Variants in MYO5B observed in about 807,000 individuals in gnomAD.
The protein encoded by MYO5B is myosin VB, also known as unconventional myosin-Vb.
In MYO5B, 143 loss-of-function variants were observed where a neutral mutation model predicts 229.3. That is an observed-to-expected ratio of 0.62 (90% CI 0.54 to 0.72). The LOEUF is 0.72. Among genes scored for constraint, MYO5B ranks in the 30% least tolerant of loss-of-function variants. The probability of loss-of-function intolerance (pLI) is 0.00; values close to 1 mark genes in which losing one functional copy is unlikely to be tolerated. For missense variants in MYO5B, 2,321 were observed against 2,331.0 expected (o/e 1.00, Z 0.09); for synonymous variants, 918 against 885.2 (o/e 1.04, Z -0.66).
chr18:50,145,497 C>CAAA lies in MYO5B; in HGVS notation c.27+49267_27+49269dup, dbSNP rs369507800. 4.7e-4 allele frequency among the ~76,000 whole-genome samples: 33 copies of CAAA among 70,008 alleles called. 2 individuals carry two copies. Among genetic ancestry groups the CAAA allele is most frequent in the African/African-American group, 1.7e-3 (30 of 17,262 alleles). The allele number at this position is 70,008 out of a possible 152,430, so 45.9% of individuals were successfully genotyped here. ...TGGGCAACAGAGCAAGACTCCATCTCAAAAAAAAAAAAAAAAAAAAAAAAA... is the reference window on the plus strand; with the variant it reads ...TGGGCAACAGAGCAAGACTCCATCTCAAAAAAAAAAAAAAAAAAAAAAAAAAAA... On this transcript the variant is annotated intron_variant, in intron 1 of 39. Coordinates refer to ENST00000285039, the MANE Select transcript of MYO5B (RefSeq NM_001080467.3).
intron 2 of MYO5B, among the ~76,000 whole-genome samples, chr18:50,043,350 AT>A (rs1445492323): frequency 1.2e-5 from 1 of 82,854 alleles, no homozygotes; most frequent in African/African-American, 4.7e-5. Context: ...TATATTATAT[AT>A]AATATAAATA....
chr18:50,076,418 G>T (rs2031079326), intron 1 of MYO5B, among the ~76,000 whole-genome samples: 2 of 152,192 alleles, frequency 1.3e-5, no homozygotes, highest in African/African-American at 2.4e-5. Flanking sequence ...GGTGAAACAG[G>T]AAGGAAGGAA....
chr18:49,848,980 G>C (rs1208749625), intron 32 of MYO5B, among the ~76,000 whole-genome samples: 1 of 152,008 alleles, frequency 6.6e-6, no homozygotes, highest in Non-Finnish European at 1.5e-5. Flanking sequence ...TGTGGCTCCT[G>C]AGCTGAGGGT....
intron 17 of MYO5B, among the ~76,000 whole-genome samples, chr18:49,923,841 A>G (rs2025101663): frequency 6.6e-6 from 1 of 152,130 alleles, no homozygotes; most frequent in Non-Finnish European, 1.5e-5. Flanking sequence ...CTGCCTTAGA[A>G]TATCTCATTG....
intron 29 of MYO5B, among the ~76,000 whole-genome samples, chr18:49,860,752 G>C (rs1245477463): frequency 6.6e-6 from 1 of 152,228 alleles, no homozygotes; most frequent in Non-Finnish European, 1.5e-5. Flanking sequence ...GGAGAGGATA[G>C]ATGTCATCAA....
chr18:50,000,426 C>A (rs1345391896), intron 5 of MYO5B, among the ~76,000 whole-genome samples: 1 of 152,166 alleles, frequency 6.6e-6, no homozygotes, highest in Non-Finnish European at 1.5e-5. Flanking sequence ...CCTGCTCCTA[C>A]CAACTGTAAC....
At chr18:49,836,571 G>A in intron 38 of MYO5B, 140 bp downstream of exon 38, 1 of 948,578 alleles carries the variant, frequency 1.1e-6, no homozygotes, top group East Asian at 2.5e-5. Context: ...CCCATCAGCT[G>A]CACTTCAAAA....
chr18:50,020,878 A>G (rs1263760295), intron 4 of MYO5B, among the ~76,000 whole-genome samples: 2 of 152,256 alleles, frequency 1.3e-5, no homozygotes, highest in Non-Finnish European at 2.9e-5. Context: ...GTGGACAGTC[A>G]TCTAACTGGT....
At chr18:49,865,797 C>T (rs2024389024) in intron 27 of MYO5B, among the ~76,000 whole-genome samples, 1 of 152,220 alleles carries the variant, frequency 6.6e-6, no homozygotes, top group Non-Finnish European at 1.5e-5. Context: ...AAGACAGAGC[C>T]AGGTTGGTTG....
chr18:49,895,748 G>A (rs1036126828), intron 21 of MYO5B, among the ~76,000 whole-genome samples: 11 of 152,138 alleles, frequency 7.2e-5, no homozygotes, highest in African/African-American at 2.7e-4. Context: ...GGGAACTGAT[G>A]CCCTGACCCA....
intron 2 of MYO5B, among the ~76,000 whole-genome samples, chr18:50,051,073 G>C (rs754439733): frequency 1.3e-5 from 2 of 152,214 alleles, no homozygotes; most frequent in African/African-American, 4.8e-5. Flanking sequence ...CCCAAACCAA[G>C]ATAGTGATTC....
intron 12 of MYO5B, among the ~76,000 whole-genome samples, chr18:49,957,045 T>C (rs1166267751): frequency 1.4e-5 from 2 of 147,930 alleles, no homozygotes; most frequent in Non-Finnish European, 3.0e-5. Context: ...TTGTATACTT[T>C]AAATGGGTGA....
intron 1 of MYO5B, among the ~76,000 whole-genome samples, chr18:50,151,017 C>T (rs1263565333): frequency 6.6e-6 from 1 of 152,130 alleles, no homozygotes; most frequent in Non-Finnish European, 1.5e-5. Flanking sequence ...AAGGTTAACT[C>T]TTCAAGGCCA....
intron 39 of MYO5B, among the ~76,000 whole-genome samples, chr18:49,831,771 A>G (rs1237159838): frequency 6.6e-6 from 1 of 152,188 alleles, no homozygotes; most frequent in African/African-American, 2.4e-5. Flanking sequence ...GCCCCAAAGA[A>G]CTGAAAAATT....
intron 1 of MYO5B, among the ~76,000 whole-genome samples, chr18:50,105,240 TAA>T (rs1568108337): frequency 6.9e-6 from 1 of 145,044 alleles, no homozygotes; most frequent in Non-Finnish European, 1.5e-5. Context: ...AATAAATAAA[TAA>T]ATAAATAAAA....
chr18:49,962,227 C>T, intron 12 of MYO5B, 39 bp downstream of exon 12: 1 of 1,613,266 alleles, frequency 6.2e-7, no homozygotes, highest in Non-Finnish European at 8.5e-7. Context: ...TATCACATCC[C>T]TACCCTAGAA....
chr18:49,836,913 G>C (rs1488787821), intron 37 of MYO5B, 28 bp from the exon 38 acceptor site: 2 of 1,610,138 alleles, frequency 1.2e-6, no homozygotes, highest in Non-Finnish European at 1.7e-6. Flanking sequence ...AGCAAGCTAT[G>C]TTAAGCCGGT....
intron 9 of MYO5B, among the ~76,000 whole-genome samples, chr18:49,977,393 A>G (rs2025763377): frequency 6.6e-6 from 1 of 152,122 alleles, no homozygotes; most frequent in South Asian, 2.1e-4. Context: ...TTAAAAATAA[A>G]AACTACTGAG....
intron 39 of MYO5B, among the ~76,000 whole-genome samples, chr18:49,828,651 C>T (rs1201395921): frequency 6.6e-6 from 1 of 152,092 alleles, no homozygotes; most frequent in Non-Finnish European, 1.5e-5. Context: ...GGAACAGTCT[C>T]CAATATTCAA....
Sources: gnomAD v4.1 joint callset for allele counts (sites outside exome capture counted in the v4.1 genomes callset) on GRCh38, gnomAD v4.1.1 for gene constraint, MANE v1.5 for transcripts, NCBI Gene and HGNC (gene_info 2026-07-23, HGNC 2026-07-21) for gene names.